RYR2: variants seen among roughly 807,000 people sequenced by gnomAD.
The protein encoded by RYR2 is ryanodine receptor 2.
A neutral mutation model predicts 601.1 loss-of-function variants in RYR2; 227 were observed. The observed-to-expected ratio is 0.38, with a 90% CI of 0.34 to 0.42. The LOEUF (loss-of-function observed/expected upper bound fraction) is 0.42, where lower values mean the gene tolerates loss of function less well. Among genes scored for constraint, RYR2 ranks in the 10% least tolerant of loss-of-function variants. The pLI, the probability that RYR2 is intolerant of heterozygous loss-of-function variation, is 1.00. For synonymous variants in RYR2, 2,223 were observed against 2,175.1 expected (o/e 1.02, Z -0.61); for missense variants, 4,646 against 6,156.5 (o/e 0.75, Z 8.21).
intron 27 of RYR2, 124 bp from the exon 28 acceptor site, chr1:237,566,443 C>T: frequency 1.0e-6 from 1 of 968,416 alleles, no homozygotes; most frequent in East Asian, 2.7e-5. Context: ...GTATCATTAT[C>T]ATCATCGCTC....
At position 237,337,204 on chromosome 1, in the gene RYR2, A is replaced by G. The variant is rs191688980; in HGVS notation, c.273+6222A>G. On this transcript the variant is annotated intron_variant, in intron 3 of 104. Coordinates refer to ENST00000366574, the MANE Select transcript of RYR2 (RefSeq NM_001035.3). Reference sequence around the variant, plus strand: ...GAGGCGGATTTTGCAGTGAGCCCAGATCGTGCCACTGCACTCCAGCCTGGG... The same window carrying G: ...GAGGCGGATTTTGCAGTGAGCCCAGGTCGTGCCACTGCACTCCAGCCTGGG... 4.6e-3 allele frequency among the ~76,000 whole-genome samples: 689 copies of G among 149,498 alleles called. 7 individuals carry two copies. Among genetic ancestry groups the G allele is most frequent in the African/African-American group, 0.016 (658 of 40,246 alleles).
intron 24 of RYR2, among the ~76,000 whole-genome samples, chr1:237,526,136 A>G (rs1026987253): frequency 6.6e-6 from 1 of 152,110 alleles, no homozygotes; most frequent in African/African-American, 2.4e-5. Context: ...TGTTCCTACT[A>G]ACAGTGTATA....
intron 1 of RYR2, among the ~76,000 whole-genome samples, chr1:237,241,071 C>T (rs1686111425): frequency 6.6e-6 from 1 of 152,158 alleles, no homozygotes; most frequent in South Asian, 2.1e-4. Context: ...AGGCAGAAGA[C>T]AAATCTCTTT....
chr1:237,830,709 GT>G (rs1663675477), intron 103 of RYR2, 79 bp downstream of exon 103: 1 of 694,132 alleles, frequency 1.4e-6, no homozygotes, highest in South Asian at 2.1e-5. Context: ...TAGAGAGGAA[GT>G]TTTTGTTTAT....
intron 3 of RYR2, among the ~76,000 whole-genome samples, chr1:237,346,613 T>C (rs995211105): frequency 3.9e-5 from 6 of 152,198 alleles, no homozygotes; most frequent in Non-Finnish European, 8.8e-5. Flanking sequence ...TTTATTGTAC[T>C]GAGTCGGCTT....
intron 1 of RYR2, among the ~76,000 whole-genome samples, chr1:237,051,610 G>A (rs1187271953): frequency 1.3e-5 from 2 of 152,010 alleles, no homozygotes; most frequent in Non-Finnish European, 2.9e-5. Flanking sequence ...GCTTTTTTAC[G>A]CCGTGGCCTA....
chr1:237,222,647 G>T (rs891843774), intron 1 of RYR2, among the ~76,000 whole-genome samples: 11 of 152,122 alleles, frequency 7.2e-5, no homozygotes, highest in African/African-American at 2.4e-4. Flanking sequence ...TTAAGGTTTT[G>T]ACGATACCTG....
Position 237,138,845 on chromosome 1 carries a change from A to G in RYR2, c.48+96276A>G, listed in dbSNP as rs543881717. Among the ~76,000 whole-genome samples the G allele has an allele frequency of 6.6e-5, 10 of 152,348 alleles. No homozygotes were observed. The South Asian group carries it at 2.1e-3, about 32-fold the overall frequency. On this transcript the variant is annotated intron_variant, in intron 1 of 104. Transcript: ENST00000366574. ...TAGGGAAATGCAAACTCAATCTGCA[A>G]TGAGATACCACTTCACATCCACCAG...
At chr1:237,049,062 C>G (rs1384504819) in intron 1 of RYR2, among the ~76,000 whole-genome samples, 1 of 151,988 alleles carries the variant, frequency 6.6e-6, no homozygotes, top group African/African-American at 2.4e-5. Flanking sequence ...GTGAGAGAGG[C>G]CAGGTGATGA....
intron 1 of RYR2, among the ~76,000 whole-genome samples, chr1:237,048,176 A>G (rs1177416413): frequency 6.6e-6 from 1 of 152,112 alleles, no homozygotes; most frequent in African/African-American, 2.4e-5. Context: ...CTCCAGTGTG[A>G]TCCTAACCTT....
intron 100 of RYR2, among the ~76,000 whole-genome samples, chr1:237,816,931 G>A (rs1469095339): frequency 2.0e-5 from 3 of 152,076 alleles, no homozygotes; most frequent in African/African-American, 7.2e-5. Context: ...TCAGTAGGTA[G>A]TACCAGGAAC....
At chr1:237,766,360 C>A (rs1693849774) in intron 84 of RYR2, among the ~76,000 whole-genome samples, 1 of 152,204 alleles carries the variant, frequency 6.6e-6, no homozygotes, top group South Asian at 2.1e-4. Flanking sequence ...ATTTCTCAGT[C>A]ATGCTACTAA....
intron 1 of RYR2, among the ~76,000 whole-genome samples, chr1:237,225,558 A>G (rs1026041966): frequency 6.6e-6 from 1 of 152,210 alleles, no homozygotes; most frequent in Non-Finnish European, 1.5e-5. Flanking sequence ...CTCCCACAAC[A>G]TGTGAGAATT....
At chr1:237,246,816 T>G (rs1418033993) in intron 1 of RYR2, among the ~76,000 whole-genome samples, 9 of 152,200 alleles carry the variant, frequency 5.9e-5, no homozygotes, top group Non-Finnish European at 2.9e-5. Flanking sequence ...TAAGATTTGT[T>G]TCTGATGATT....
At chr1:237,640,326 A>G (rs627201) in intron 46 of RYR2, among the ~76,000 whole-genome samples, 75,256 of 151,984 alleles carry the variant, frequency 0.5, 18,982 homozygotes, top group East Asian at 0.8. Context: ...AGAACATGTA[A>G]TTATATTTTC....
Position 237,621,508 on chromosome 1 carries a change from AC to A in RYR2, c.5917-2256del, listed in dbSNP as rs576879597. 1.3e-3 allele frequency among the ~76,000 whole-genome samples: 202 copies of A among 152,288 alleles called. 2 individuals are homozygous for A. In the South Asian group the frequency reaches 0.015, roughly 12 times the overall value. On this transcript the variant is annotated intron_variant, in intron 38 of 104. Transcript: ENST00000366574. ...GCAATAAAGTTGACAAACCTCTAAA[AC>A]AACTGAAAAAGAAAAAGAGAAGATA...
At position 237,617,344 on chromosome 1, in the gene RYR2, T is replaced by C. The variant is rs761505396; in HGVS notation, c.5774T>C (p.Ile1925Thr). Residue 1925 changes from isoleucine (I) to threonine (T), a missense_variant, in exon 38 of 105, where the codon ATT becomes ACT. By Grantham distance (89) the Ile-to-Thr change is moderately conservative. Transcript: ENST00000366574. ...CAGGTCCGGCACCGGATAGAAGCCA[T>C]TGTAGCCTTTTCAGATGATTTTGTG... ...DCQVRHRIEA[I>T]VAFSDDFVAK... 3.5e-5 allele frequency: 57 copies of C among 1,613,834 alleles called. No individual in the cohort carries two copies. The Middle Eastern group carries it at 4.9e-4, about 14-fold the overall frequency.
At chr1:237,788,278 G>A in intron 92 of RYR2, 143 bp downstream of exon 92, 1 of 629,388 alleles carries the variant, frequency 1.6e-6, no homozygotes, top group South Asian at 2.5e-5. Flanking sequence ...GCTCATTGTA[G>A]TGTGTTTATC....
At chr1:237,578,611 C>T (rs1013137027) in intron 29 of RYR2, among the ~76,000 whole-genome samples, 5 of 152,174 alleles carry the variant, frequency 3.3e-5, no homozygotes, top group Non-Finnish European at 7.3e-5. Context: ...TGCAATGCCC[C>T]TTTTGGAGGT....
Sources: allele counts gnomAD v4.1 joint callset (sites outside exome capture counted in the v4.1 genomes callset), GRCh38; gene constraint gnomAD v4.1.1; transcripts MANE v1.5; gene names NCBI Gene and HGNC (gene_info 2026-07-23, HGNC 2026-07-21).